ANKRD44: variants seen among roughly 807,000 people sequenced by gnomAD.
ANKRD44 encodes ankyrin repeat domain 44, also known as serine/threonine-protein phosphatase 6 regulatory ankyrin repeat subunit B.
In ANKRD44, 35 loss-of-function variants were observed where a neutral mutation model predicts 116.0. That is an observed-to-expected ratio of 0.30 (90% CI 0.23 to 0.40). The LOEUF (loss-of-function observed/expected upper bound fraction) is 0.40. Ranked by LOEUF, ANKRD44 falls within the 10% of genes least tolerant of loss-of-function variation. The pLI is 1.00. For missense variants in ANKRD44, 1,014 were observed against 1,242.6 expected (o/e 0.82, Z 2.77); for synonymous variants, 435 against 461.8 (o/e 0.94, Z 0.74).
chr2:197,226,597 G>C (rs1325491627), intron 1 of ANKRD44, among the ~76,000 whole-genome samples: 1 of 152,068 alleles, frequency 6.6e-6, no homozygotes, highest in Non-Finnish European at 1.5e-5. Flanking sequence ...CAGGGAGGCA[G>C]AGGTTGCAGT....
At chr2:197,029,891 T>G (rs2076671834) in intron 16 of ANKRD44, 1 of 215,910 alleles carries the variant, frequency 4.6e-6, no homozygotes, top group South Asian at 6.8e-5. Flanking sequence ...ATGACCAGCA[T>G]TGGTAAGGCT....
intron 1 of ANKRD44, among the ~76,000 whole-genome samples, chr2:197,193,839 G>A (rs549342272): frequency 2.0e-5 from 3 of 152,212 alleles, no homozygotes; most frequent in Admixed American, 6.5e-5. Context: ...CCGAGATCGC[G>A]CCACTGCACT....
chr2:197,146,645 TAC>T (rs1447491344), intron 3 of ANKRD44, among the ~76,000 whole-genome samples: 3 of 152,130 alleles, frequency 2.0e-5, no homozygotes, highest in African/African-American at 7.2e-5. Flanking sequence ...ATACTCACTA[TAC>T]ATAGTGTGTA....
intron 2 of ANKRD44, among the ~76,000 whole-genome samples, chr2:197,163,288 C>A (rs1323038697): frequency 6.6e-6 from 1 of 152,158 alleles, no homozygotes; most frequent in East Asian, 1.9e-4. Flanking sequence ...CGATGCTCAC[C>A]TGTGTCCCCT....
chr2:197,260,539 A>G (rs1256200015), intron 1 of ANKRD44, among the ~76,000 whole-genome samples: 3 of 152,020 alleles, frequency 2.0e-5, no homozygotes, highest in Admixed American at 6.6e-5. Flanking sequence ...GCCGCTATAA[A>G]CATACGTGTG....
intron 10 of ANKRD44, among the ~76,000 whole-genome samples, chr2:197,093,772 T>C (rs748142514): frequency 6.6e-6 from 1 of 152,192 alleles, no homozygotes; most frequent in Non-Finnish European, 1.5e-5. Flanking sequence ...ATAAAACCTT[T>C]AGCAGGAAAA....
intron 1 of ANKRD44, among the ~76,000 whole-genome samples, chr2:197,196,065 C>A (rs2080940792): frequency 6.6e-6 from 1 of 152,164 alleles, no homozygotes; most frequent in African/African-American, 2.4e-5. Flanking sequence ...ACAAAAAGAA[C>A]AACTATATAT....
At chr2:197,245,521 T>C (rs902780636) in intron 1 of ANKRD44, among the ~76,000 whole-genome samples, 1 of 152,136 alleles carries the variant, frequency 6.6e-6, no homozygotes, top group African/African-American at 2.4e-5. Context: ...TAAGAAAACA[T>C]ATGAATATTC....
At chr2:197,263,847 G>C (rs1180062881) in intron 1 of ANKRD44, among the ~76,000 whole-genome samples, 3 of 152,074 alleles carry the variant, frequency 2.0e-5, no homozygotes, top group African/African-American at 7.2e-5. Context: ...TAGGCACATG[G>C]CTGCCTCCCT....
At chr2:197,049,572 C>A (rs1559020923) in intron 16 of ANKRD44, among the ~76,000 whole-genome samples, 1 of 152,154 alleles carries the variant, frequency 6.6e-6, no homozygotes, top group African/African-American at 2.4e-5. Flanking sequence ...ATTTTCACAG[C>A]AAATATGCCT....
chr2:197,083,615 C>T (rs564039917), intron 13 of ANKRD44, 106 bp from the exon 14 acceptor site: 1 of 1,310,720 alleles, frequency 7.6e-7, no homozygotes, highest in Non-Finnish European at 1.0e-6. Flanking sequence ...AGCTCTTGGA[C>T]TCTCAGAGTG....
chr2:197,194,068 T>C (rs1013396543), intron 1 of ANKRD44, among the ~76,000 whole-genome samples: 2 of 152,188 alleles, frequency 1.3e-5, no homozygotes, highest in African/African-American at 4.8e-5. Flanking sequence ...ATAAGAGATC[T>C]TGAAAGATTT....
At chr2:197,078,010 T>C (rs539922763) in intron 16 of ANKRD44, 1 of 152,118 alleles carries the variant, frequency 6.6e-6, no homozygotes, top group Non-Finnish European at 1.5e-5. Flanking sequence ...AGATATTGCA[T>C]GCGATATGTT....
chr2:197,007,749 A>C, intron 20 of ANKRD44, 57 bp downstream of exon 20: 1 of 1,150,550 alleles, frequency 8.7e-7, no homozygotes, highest in Non-Finnish European at 1.3e-6. Flanking sequence ...TTTGCTAAAA[A>C]AGAAAACAAG....
intron 1 of ANKRD44, among the ~76,000 whole-genome samples, chr2:197,298,975 A>G (rs2889363): frequency 0.45 from 68,794 of 151,934 alleles, 16,504 homozygotes; most frequent in African/African-American, 0.61. Context: ...AGTTTTGTAA[A>G]AGGACTCTCT....
intron 2 of ANKRD44, among the ~76,000 whole-genome samples, chr2:197,164,591 C>A (rs939867320): frequency 6.6e-6 from 1 of 152,170 alleles, no homozygotes; most frequent in Non-Finnish European, 1.5e-5. Flanking sequence ...CGCGGTGAGC[C>A]CCCTCCCCTG....
At chr2:197,173,728 A>C (rs1323877298) in intron 2 of ANKRD44, among the ~76,000 whole-genome samples, 1 of 152,192 alleles carries the variant, frequency 6.6e-6, no homozygotes, top group African/African-American at 2.4e-5. Flanking sequence ...AGTAAAATTC[A>C]TTCCCTAAAA....
chr2:197,106,807 T>TA (rs1553509477), intron 9 of ANKRD44, among the ~76,000 whole-genome samples: 30,290 of 106,774 alleles, frequency 0.28, 3,558 homozygotes, highest in Middle Eastern at 0.37. Flanking sequence ...TATATATATA[T>TA]TTTTTTTTTT....
chr2:197,040,849 T>C (rs2076897632), intron 16 of ANKRD44, among the ~76,000 whole-genome samples: 1 of 152,232 alleles, frequency 6.6e-6, no homozygotes, highest in South Asian at 2.1e-4. Flanking sequence ...ACATGCTCTG[T>C]TCCTCAGATG....
Sources: allele counts gnomAD v4.1 joint callset (sites outside exome capture counted in the v4.1 genomes callset), GRCh38; gene constraint gnomAD v4.1.1; transcripts MANE v1.5; gene names NCBI Gene and HGNC (gene_info 2026-07-23, HGNC 2026-07-21).